The following SLC35A3 variants were observed in gnomAD, a reference collection of about 807,000 sequenced individuals.
The protein encoded by SLC35A3 is UDP-N-acetylglucosamine transporter.
SLC35A3 carries 26 observed loss-of-function variants against 39.0 expected under a neutral mutation model. The ratio of observed to expected loss-of-function variants is 0.67; its 90% CI spans 0.49 to 0.92. The LOEUF (loss-of-function observed/expected upper bound fraction) is 0.92, where lower values mean the gene tolerates loss of function less well. SLC35A3 is among the 40% of genes least tolerant of loss of function. SLC35A3 has a pLI of 0.00. For synonymous variants in SLC35A3, 135 were observed against 133.1 expected (o/e 1.01, Z -0.10); for missense variants, 299 against 371.6 (o/e 0.80, Z 1.61).
intron 5 of SLC35A3, among the ~76,000 whole-genome samples, chr1:100,015,030 C>T (rs1399100105): frequency 4.0e-5 from 6 of 151,810 alleles, no homozygotes; most frequent in East Asian, 1.9e-4. Context: ...TGGTGGCACG[C>T]GCCTGTAGTC....
chr1:100,011,592 G>T (rs1659643280), intron 5 of SLC35A3, 59 bp downstream of exon 5: 1 of 599,386 alleles, frequency 1.7e-6, no homozygotes, highest in Non-Finnish European at 2.5e-6. Context: ...TATATTTAAA[G>T]ATTTCTATAT....
rs1389991222 is a variant in SLC35A3 at position 100,023,232 on chromosome 1, T to A, written c.*756T>A. ...TGGAGGTTAGCCCTTAATCTCTTCA[T>A]TGCATTTCATTTCTGTAAATCAGAT... is the stretch of plus-strand genomic sequence containing the variant. On this transcript the variant is annotated 3_prime_UTR_variant, in exon 8 of 8. Transcript: ENST00000533028. The A allele has an allele frequency of 6.6e-6, 1 of 152,178 alleles. No individual in the cohort carries two copies. Among genetic ancestry groups the A allele is most frequent in the Non-Finnish European group, 1.5e-5 (1 of 68,024 alleles). 9.4% of individuals were successfully genotyped at this position (152,178 alleles called of 1,614,324 possible).
chr1:99,982,193 AC>A (rs973010953), intron 1 of SLC35A3, among the ~76,000 whole-genome samples: 2 of 151,356 alleles, frequency 1.3e-5, no homozygotes, highest in Non-Finnish European at 2.9e-5. Flanking sequence ...TTTAGTAGAG[AC>A]GGGTTTTGCC....
At chr1:100,008,530 A>G (rs1318283902) in intron 4 of SLC35A3, 1 of 152,236 alleles carries the variant, frequency 6.6e-6, no homozygotes, top group African/African-American at 2.4e-5. Flanking sequence ...ATGTACCTAC[A>G]GTTCTAGACT....
chr1:99,975,063 C>T (rs1657036649), intron 1 of SLC35A3: 1 of 152,098 alleles, frequency 6.6e-6, no homozygotes, highest in South Asian at 2.1e-4. Context: ...CCACCTTAGC[C>T]TCCCAAGTAG....
intron 4 of SLC35A3, among the ~76,000 whole-genome samples, chr1:100,010,816 T>C (rs1294390401): frequency 6.6e-6 from 1 of 152,216 alleles, no homozygotes; most frequent in African/African-American, 2.4e-5. Context: ...CATAGGGTAC[T>C]ATCCCTGGTG....
At chr1:99,970,467 C>T in intron 1 of SLC35A3, 1 of 1,100,490 alleles carries the variant, frequency 9.1e-7, no homozygotes, top group South Asian at 1.4e-5. Context: ...TGTGCCTCAG[C>T]GCCTGGTGCG....
intron 7 of SLC35A3, among the ~76,000 whole-genome samples, chr1:100,020,822 G>A (rs1395691232): frequency 6.6e-6 from 1 of 152,172 alleles, no homozygotes; most frequent in Admixed American, 6.5e-5. Flanking sequence ...GGAAACTGTG[G>A]ACAGAGGGAA....
chr1:99,977,898 A>C (rs1047589106), intron 1 of SLC35A3, among the ~76,000 whole-genome samples: 8 of 152,178 alleles, frequency 5.3e-5, no homozygotes, highest in African/African-American at 1.9e-4. Flanking sequence ...GAACCTTGTA[A>C]TGTTAGTACG....
At chr1:99,986,165 C>CT (rs199503957) in intron 1 of SLC35A3, among the ~76,000 whole-genome samples, 8,671 of 137,962 alleles carry the variant, frequency 0.063, 362 homozygotes, top group African/African-American at 0.11. Flanking sequence ...ATATATTCTA[C>CT]TTTTTTTTTT....
At chr1:99,984,666 T>C (rs1657646750) in intron 1 of SLC35A3, among the ~76,000 whole-genome samples, 1 of 152,240 alleles carries the variant, frequency 6.6e-6, no homozygotes, top group Admixed American at 6.5e-5. Flanking sequence ...CACATTGTTT[T>C]CCATAGTAGT....
At chr1:99,982,594 CAT>C (rs915750142) in intron 1 of SLC35A3, among the ~76,000 whole-genome samples, 2 of 152,142 alleles carry the variant, frequency 1.3e-5, no homozygotes, top group Non-Finnish European at 2.9e-5. Context: ...TAGTATATCA[CAT>C]ATATTTAACT....
At chr1:99,992,317 G>A (rs1268920555) in intron 1 of SLC35A3, among the ~76,000 whole-genome samples, 2 of 152,054 alleles carry the variant, frequency 1.3e-5, no homozygotes, top group East Asian at 1.9e-4. Flanking sequence ...ATGATGAAAT[G>A]TCCTTCTTTG....
chr1:99,972,055 C>A (rs1019085117), intron 1 of SLC35A3, among the ~76,000 whole-genome samples: 1 of 152,042 alleles, frequency 6.6e-6, no homozygotes, highest in East Asian at 1.9e-4. Context: ...CCCGCCACCA[C>A]ACCCAGCCAA....
Position 100,024,613 on chromosome 1 carries a change from A to T in SLC35A3, c.*2137A>T, listed in dbSNP as rs1299777097. The T allele has an allele frequency of 3.1e-6, 1 of 318,926 alleles. No individual in the cohort carries two copies. Among genetic ancestry groups the T allele is most frequent in the African/African-American group, 2.2e-5 (1 of 45,622 alleles). 19.8% of individuals were successfully genotyped at this position (318,926 alleles called of 1,614,324 possible). ...CACCCACAGTATGAATGAAAAAAAT[A>T]AAATACTTCTTTTTTTTTTTTTTTG... On this transcript the variant is annotated 3_prime_UTR_variant, in exon 8 of 8. Coordinates refer to ENST00000533028, the MANE Select transcript of SLC35A3 (RefSeq NM_012243.3).
chr1:100,020,800 T>C (rs537690893), intron 7 of SLC35A3, among the ~76,000 whole-genome samples: 37 of 152,260 alleles, frequency 2.4e-4, no homozygotes, highest in Admixed American at 1.6e-3. Flanking sequence ...ATAAGCATTT[T>C]CTAAGAAGCA....
At chr1:100,015,493 A>C (rs1268222101) in intron 6 of SLC35A3, 73 bp downstream of exon 6, 6 of 1,468,904 alleles carry the variant, frequency 4.1e-6, no homozygotes, top group Non-Finnish European at 3.6e-6. Context: ...GTAGCTCCTG[A>C]TATACTGATG....
chr1:99,985,765 T>G (rs1657708839), intron 1 of SLC35A3, among the ~76,000 whole-genome samples: 1 of 152,232 alleles, frequency 6.6e-6, no homozygotes, highest in Non-Finnish European at 1.5e-5. Flanking sequence ...GTAGTTTTCC[T>G]TATAGAGGTC....
chr1:100,015,181 AG>A, intron 5 of SLC35A3, 120 bp from the exon 6 acceptor site: 1 of 924,052 alleles, frequency 1.1e-6, no homozygotes, highest in South Asian at 2.6e-5. Context: ...AAAAAAAGAA[AG>A]TAATCTAATT....
Sources: allele counts gnomAD v4.1 joint callset (sites outside exome capture counted in the v4.1 genomes callset), GRCh38; gene constraint gnomAD v4.1.1; transcripts MANE v1.5; gene names NCBI Gene and HGNC (gene_info 2026-07-23, HGNC 2026-07-21).